Variants in PCDH9 observed in about 807,000 individuals in gnomAD.
The protein encoded by PCDH9 is protocadherin 9, also known as protocadherin-9.
A neutral mutation model predicts 70.6 loss-of-function variants in PCDH9; 24 were observed. The ratio of observed to expected loss-of-function variants is 0.34; its 90% confidence interval spans 0.25 to 0.48. The LOEUF is 0.48. Ranked by LOEUF, PCDH9 falls within the 20% of genes least tolerant of loss-of-function variation. The pLI, the probability that PCDH9 is intolerant of heterozygous loss-of-function variation, is 0.99. For synonymous variants in PCDH9, 562 were observed against 558.5 expected, an observed-to-expected ratio of 1.01 and a Z score of -0.09; for missense variants, 1,281 against 1,503.6, an observed-to-expected ratio of 0.85 and a Z score of 2.45.
At chr13:66,887,308 A>G (rs1014871546) in intron 3 of PCDH9, among the ~76,000 whole-genome samples, 11 of 152,192 alleles carry the variant, frequency 7.2e-5, no homozygotes, top group Admixed American at 3.9e-4. Context: ...TTAGTTTACT[A>G]TCAGTGCCAC....
chr13:67,188,484 C>A (rs892988632), intron 2 of PCDH9, among the ~76,000 whole-genome samples: 14 of 151,914 alleles, frequency 9.2e-5, no homozygotes, highest in Admixed American at 3.9e-4. Context: ...CTCATGTAAT[C>A]TTGTGTATTA....
At chr13:67,210,583 T>C (rs1402178274) in intron 2 of PCDH9, 1 of 151,946 alleles carries the variant, frequency 6.6e-6, no homozygotes, top group Non-Finnish European at 1.5e-5. Context: ...AATGTTTCCC[T>C]AAGTAATTAA....
intron 4 of PCDH9, among the ~76,000 whole-genome samples, chr13:66,458,540 ACTCT>A (rs1414515497): frequency 6.6e-6 from 1 of 151,100 alleles, no homozygotes; most frequent in Non-Finnish European, 1.5e-5. Flanking sequence ...TCACTTTCCT[ACTCT>A]CTCTCTCCAT....
intron 3 of PCDH9, among the ~76,000 whole-genome samples, chr13:66,787,615 CA>C (rs35362106): frequency 6.8e-6 from 1 of 147,986 alleles, no homozygotes; most frequent in East Asian, 2.0e-4. Context: ...TACTCTGTCT[CA>C]AAAAAAAAGA....
chr13:67,006,151 C>T (rs539052107), intron 2 of PCDH9, among the ~76,000 whole-genome samples: 1 of 152,092 alleles, frequency 6.6e-6, no homozygotes, highest in Non-Finnish European at 1.5e-5. Flanking sequence ...GGCGTGAACC[C>T]GGGAGGCGCA....
At chr13:66,481,618 T>C (rs114078853) in intron 4 of PCDH9, among the ~76,000 whole-genome samples, 1,882 of 152,290 alleles carry the variant, frequency 0.012, 39 homozygotes, top group African/African-American at 0.044. Context: ...ATTGCAGTAG[T>C]CTGGAACTAA....
At chr13:67,198,573 G>A (rs1593606430) in intron 2 of PCDH9, among the ~76,000 whole-genome samples, 3 of 151,826 alleles carry the variant, frequency 2.0e-5, no homozygotes. Flanking sequence ...ACCAAATCAT[G>A]AATATGCTAA....
At chr13:66,531,810 G>T (rs1160191440) in intron 4 of PCDH9, among the ~76,000 whole-genome samples, 1 of 152,126 alleles carries the variant, frequency 6.6e-6, no homozygotes, top group African/African-American at 2.4e-5. Context: ...TTTTAAGGTA[G>T]ATTTCCACTG....
chr13:66,994,738 A>G (rs2084075334), intron 2 of PCDH9, among the ~76,000 whole-genome samples: 1 of 152,174 alleles, frequency 6.6e-6, no homozygotes, highest in Non-Finnish European at 1.5e-5. Flanking sequence ...GTCTCCTTTG[A>G]AAGAATCACT....
At chr13:67,131,132 GTTTAC>G (rs1176688588) in intron 2 of PCDH9, among the ~76,000 whole-genome samples, 1 of 152,114 alleles carries the variant, frequency 6.6e-6, no homozygotes, top group African/African-American at 2.4e-5. Flanking sequence ...ATTGGTGCAT[GTTTAC>G]TTTACTTATA....
At chr13:66,411,427 C>T (rs1957367020) in intron 4 of PCDH9, among the ~76,000 whole-genome samples, 1 of 152,170 alleles carries the variant, frequency 6.6e-6, no homozygotes, top group Admixed American at 6.5e-5. Flanking sequence ...GCTGGGACTA[C>T]AGGTGCATCC....
intron 4 of PCDH9, among the ~76,000 whole-genome samples, chr13:66,367,352 A>G (rs750279811): frequency 3.5e-4 from 53 of 152,184 alleles, no homozygotes; most frequent in Middle Eastern, 3.2e-3. Flanking sequence ...GTTTGCATTA[A>G]GTTCAGAATA....
intron 2 of PCDH9, among the ~76,000 whole-genome samples, chr13:67,132,978 G>T (rs936891902): frequency 3.9e-5 from 6 of 151,932 alleles, no homozygotes; most frequent in African/African-American, 1.4e-4. Context: ...GCTTAAAATG[G>T]CATCTTTTTA....
intron 4 of PCDH9, among the ~76,000 whole-genome samples, chr13:66,393,018 A>G (rs1566291658): frequency 6.6e-6 from 1 of 152,116 alleles, no homozygotes; most frequent in Non-Finnish European, 1.5e-5. Context: ...AAATTAAAAC[A>G]CTGTCCCATA....
intron 4 of PCDH9, among the ~76,000 whole-genome samples, chr13:66,484,576 C>A (rs1958906354): frequency 6.6e-6 from 1 of 152,188 alleles, no homozygotes; most frequent in Non-Finnish European, 1.5e-5. Flanking sequence ...GATTAAATTA[C>A]AGTTTCCTAG....
chr13:66,975,899 T>C (rs2083610315), intron 2 of PCDH9, among the ~76,000 whole-genome samples: 1 of 152,060 alleles, frequency 6.6e-6, no homozygotes, highest in Non-Finnish European at 1.5e-5. Flanking sequence ...TGGAAAGTAA[T>C]ACATTTCTAA....
intron 4 of PCDH9, among the ~76,000 whole-genome samples, chr13:66,496,276 T>C (rs1235437364): frequency 6.6e-6 from 1 of 152,190 alleles, no homozygotes; most frequent in African/African-American, 2.4e-5. Context: ...TCAATCTTTG[T>C]CCACTATATC....
intron 4 of PCDH9, among the ~76,000 whole-genome samples, chr13:66,331,810 G>T (rs1172797543): frequency 6.6e-6 from 1 of 152,098 alleles, no homozygotes; most frequent in Non-Finnish European, 1.5e-5. Flanking sequence ...AAGTTCCTTG[G>T]CAAGAAAGCT....
chr13:66,722,176 T>C (rs2078950063), intron 3 of PCDH9, among the ~76,000 whole-genome samples: 1 of 152,218 alleles, frequency 6.6e-6, no homozygotes. Flanking sequence ...AAGAGGTAAG[T>C]GCTGCTTGGC....
Sources: gnomAD v4.1 joint callset for allele counts (sites outside exome capture counted in the v4.1 genomes callset) on GRCh38, gnomAD v4.1.1 for gene constraint, MANE v1.5 for transcripts, NCBI Gene and HGNC (gene_info 2026-07-23, HGNC 2026-07-21) for gene names.